The following DAPK1 variants were observed in gnomAD, a reference collection of about 807,000 sequenced individuals.
The protein encoded by DAPK1 is death-associated protein kinase 1.
DAPK1 carries 56 observed loss-of-function variants against 144.9 expected under a neutral mutation model. The observed-to-expected ratio is 0.39, with a 90% CI of 0.31 to 0.48. The LOEUF (loss-of-function observed/expected upper bound fraction) is 0.48. Among genes scored for constraint, DAPK1 ranks in the 20% least tolerant of loss-of-function variants. The pLI is 0.95. For missense variants in DAPK1, 1,454 were observed against 1,875.4 expected (o/e 0.78, Z 4.15); for synonymous variants, 690 against 749.0 (o/e 0.92, Z 1.29).
intron 2 of DAPK1, among the ~76,000 whole-genome samples, chr9:87,541,183 G>A (rs1237346700): frequency 6.6e-6 from 1 of 152,128 alleles, no homozygotes; most frequent in Non-Finnish European, 1.5e-5. Flanking sequence ...CCACTGGTGG[G>A]AAAGGCTTAT....
At chr9:87,501,515 A>T (rs1824395751) in intron 2 of DAPK1, among the ~76,000 whole-genome samples, 1 of 152,138 alleles carries the variant, frequency 6.6e-6, no homozygotes, top group Non-Finnish European at 1.5e-5. Flanking sequence ...ACTGCCCTCC[A>T]GCCTGGGTGA....
chr9:87,563,665 T>TGTCTG, intron 2 of DAPK1, among the ~76,000 whole-genome samples: 2 of 152,220 alleles, frequency 1.3e-5, no homozygotes, highest in African/African-American at 4.8e-5. Flanking sequence ...GGCCCAGCCA[T>TGTCTG]CAGTCAGCAC....
chr9:87,584,237 A>G (rs1827857245), intron 2 of DAPK1, among the ~76,000 whole-genome samples: 1 of 152,220 alleles, frequency 6.6e-6, no homozygotes, highest in South Asian at 2.1e-4. Flanking sequence ...AGAATACATT[A>G]CATTATTAAC....
At chr9:87,594,635 C>G (rs59333537) in intron 2 of DAPK1, among the ~76,000 whole-genome samples, 104 of 152,336 alleles carry the variant, frequency 6.8e-4, no homozygotes, top group African/African-American at 2.5e-3. Flanking sequence ...TTGGAGGTAG[C>G]TGTCATGGCC....
At chr9:87,693,934 G>C (rs1825167623) in intron 21 of DAPK1, among the ~76,000 whole-genome samples, 1 of 152,166 alleles carries the variant, frequency 6.6e-6, no homozygotes, top group African/African-American at 2.4e-5. Context: ...ACGTGGGCCA[G>C]TCCTCAGAAC....
chr9:87,575,810 T>G (rs145179406), intron 2 of DAPK1, among the ~76,000 whole-genome samples: 109 of 152,230 alleles, frequency 7.2e-4, no homozygotes, highest in African/African-American at 2.3e-3. Flanking sequence ...AAAATAGGAA[T>G]AATTTCCTTC....
chr9:87,547,287 C>T (rs974220189), intron 2 of DAPK1, among the ~76,000 whole-genome samples: 11 of 152,150 alleles, frequency 7.2e-5, no homozygotes, highest in African/African-American at 2.4e-4. Context: ...CCAAGAACTC[C>T]ACTGTTGTCT....
At chr9:87,590,241 G>T (rs914463359) in intron 2 of DAPK1, among the ~76,000 whole-genome samples, 1 of 151,852 alleles carries the variant, frequency 6.6e-6, no homozygotes, top group Non-Finnish European at 1.5e-5. Flanking sequence ...TTACTCAGAC[G>T]TGGAGACTCG....
chr9:87,650,993 G>A (rs996415652), intron 16 of DAPK1, among the ~76,000 whole-genome samples: 6 of 152,162 alleles, frequency 3.9e-5, no homozygotes, highest in African/African-American at 1.4e-4. Context: ...CTATTCATTA[G>A]GGATTCTGTA....
At chr9:87,705,618 A>C (rs1371004301) in intron 25 of DAPK1, among the ~76,000 whole-genome samples, 1 of 152,166 alleles carries the variant, frequency 6.6e-6, no homozygotes, top group Admixed American at 6.5e-5. Context: ...AGACATGATG[A>C]CATTTCTTCC....
At chr9:87,564,170 C>T (rs1312556328) in intron 2 of DAPK1, among the ~76,000 whole-genome samples, 1 of 152,184 alleles carries the variant, frequency 6.6e-6, no homozygotes, top group Non-Finnish European at 1.5e-5. Context: ...TAGTCTGATG[C>T]TGACCTCTGT....
chr9:87,520,604 C>G (rs982969144), intron 2 of DAPK1, among the ~76,000 whole-genome samples: 4 of 152,138 alleles, frequency 2.6e-5, no homozygotes, highest in Non-Finnish European at 4.4e-5. Flanking sequence ...ATATCGGTAA[C>G]AATTTTATAG....
At position 87,697,132 on chromosome 9, in the gene DAPK1, G is replaced by A; in HGVS notation, c.2539G>A (p.Glu847Lys). The A allele has an allele frequency of 3.2e-6, 5 of 1,575,538 alleles. No homozygotes were observed. The highest frequency in any genetic ancestry group is 4.4e-6 in the Non-Finnish European group (5 of 1,144,778). ...VVVFSLEEPY[E>K]IQLNQVIFWL... The stretch of plus-strand genomic sequence containing the variant: ...TGTCTTTAGTCTAGAAGAGCCCTAT[G>A]AGATCCAGCTGAACCAAGTGATTTT... Residue 847 changes from glutamate (E) to lysine (K), a missense_variant, in exon 22 of 26, where the codon GAG becomes AAG. Coordinates refer to ENST00000408954, the MANE Select transcript of DAPK1 (RefSeq NM_004938.4).
At chr9:87,649,840 T>A (rs1830384646) in intron 15 of DAPK1, 81 bp from the exon 16 acceptor site, 1 of 1,439,562 alleles carries the variant, frequency 6.9e-7, no homozygotes, top group South Asian at 1.2e-5. Flanking sequence ...CTGCCAAATT[T>A]GACAGGGACT....
At chr9:87,637,852 G>C in intron 3 of DAPK1, 91 bp from the exon 4 acceptor site, 1 of 1,398,248 alleles carries the variant, frequency 7.2e-7, no homozygotes, top group Admixed American at 2.0e-5. Flanking sequence ...CTGTTTTCTT[G>C]TCTGAAGTTT....
intron 2 of DAPK1, among the ~76,000 whole-genome samples, chr9:87,574,277 A>G (rs974340205): frequency 2.0e-5 from 3 of 152,236 alleles, no homozygotes; most frequent in Admixed American, 6.5e-5. Flanking sequence ...CTTTATACCA[A>G]ATGCCAGATT....
At chr9:87,538,814 A>G (rs1483602511) in intron 2 of DAPK1, among the ~76,000 whole-genome samples, 1 of 152,106 alleles carries the variant, frequency 6.6e-6, no homozygotes, top group Non-Finnish European at 1.5e-5. Flanking sequence ...TAAGCTTTAT[A>G]AACTATTGGC....
chr9:87,650,601 T>G (rs1190152205), intron 16 of DAPK1: 2 of 194,044 alleles, frequency 1.0e-5, no homozygotes, highest in Non-Finnish European at 2.1e-5. Context: ...TTTATTGTGA[T>G]CTGTACTTAA....
chr9:87,562,490 A>G (rs1335606415), intron 2 of DAPK1, among the ~76,000 whole-genome samples: 2 of 152,210 alleles, frequency 1.3e-5, no homozygotes, highest in African/African-American at 4.8e-5. Context: ...GGCCACACTC[A>G]ATGTGAAAGC....
Sources: allele counts gnomAD v4.1 joint callset (sites outside exome capture counted in the v4.1 genomes callset), GRCh38; gene constraint gnomAD v4.1.1; transcripts MANE v1.5; gene names NCBI Gene and HGNC (gene_info 2026-07-23, HGNC 2026-07-21).